The following SLC37A1 variants were observed in gnomAD, a reference collection of about 807,000 sequenced individuals.
SLC37A1 encodes solute carrier family 37 member 1, also known as glucose-6-phosphate exchanger SLC37A1.
In SLC37A1, 49 loss-of-function variants were observed where a neutral mutation model predicts 75.3. The observed-to-expected ratio is 0.65, with a 90% CI of 0.52 to 0.83. The LOEUF is 0.83. Among genes scored for constraint, SLC37A1 ranks in the 40% least tolerant of loss-of-function variants. The probability of loss-of-function intolerance (pLI) is 0.00; values close to 1 mark genes in which losing one functional copy is unlikely to be tolerated. For missense variants in SLC37A1, 566 were observed against 695.0 expected (o/e 0.81, Z 2.09); for synonymous variants, 268 against 292.1 (o/e 0.92, Z 0.84).
chr21:42,535,447 C>T lies in SLC37A1; in HGVS notation c.272-25C>T, dbSNP rs745410817. On this transcript the variant is annotated intron_variant, in intron 4 of 19. Coordinates refer to ENST00000352133, the MANE Select transcript of SLC37A1 (RefSeq NM_001320537.2). Reference sequence around the variant, plus strand: ...ATAAACTAAACAATACTGAGCTTGTCCTGCTGGTTTTCAAATTCATATAGA... The same window carrying T: ...ATAAACTAAACAATACTGAGCTTGTTCTGCTGGTTTTCAAATTCATATAGA... 5.6e-6 allele frequency: 9 copies of T among 1,594,786 alleles called. No homozygotes were observed. In the South Asian group the frequency reaches 8.8e-5, roughly 16 times the overall value.
At position 42,567,553 on chromosome 21, in the gene SLC37A1, G is replaced by A. The variant is rs188803779; in HGVS notation, c.1344+495G>A. On this transcript the variant is annotated intron_variant, in intron 16 of 19. Transcript: ENST00000352133. ...GGATCCACATCAGACCATTAGCAAT[G>A]GTCAGCCTTCACGGGGTAGAGGCAG... Among the ~76,000 whole-genome samples the A allele has an allele frequency of 1.2e-3, 188 of 152,292 alleles. 1 individual carries two copies. The highest frequency in any genetic ancestry group is 6.2e-4 in the South Asian group (3 of 4,822).
chr21:42,539,855 A>T (rs1303444904), intron 6 of SLC37A1, among the ~76,000 whole-genome samples: 2 of 152,184 alleles, frequency 1.3e-5, no homozygotes, highest in East Asian at 3.8e-4. Context: ...TAATTTCAGG[A>T]GTTGCCTCGT....
chr21:42,580,428 A>G lies in SLC37A1; in HGVS notation c.*68A>G, dbSNP rs1258411214. 2 of 1,552,446 alleles carry G rather than the reference A, an allele frequency of 1.3e-6. No homozygotes were observed. The highest frequency in any genetic ancestry group is 1.4e-5 in the African/African-American group (1 of 73,656). ...CACAACTGCCTTTCAAGGACAGTTC[A>G]GACAAAGGGCCCTGCATGGAAAGAG... On this transcript the variant is annotated 3_prime_UTR_variant, in exon 20 of 20. Transcript: ENST00000352133.
chr21:42,540,106 C>T (rs2055237704), intron 6 of SLC37A1, among the ~76,000 whole-genome samples: 1 of 152,168 alleles, frequency 6.6e-6, no homozygotes, highest in South Asian at 2.1e-4. Context: ...GTTGGGATTC[C>T]AACGAACAAA....
chr21:42,577,314 G>A (rs2056329516), intron 18 of SLC37A1, among the ~76,000 whole-genome samples: 1 of 152,174 alleles, frequency 6.6e-6, no homozygotes, highest in African/African-American at 2.4e-5. Context: ...CTCCAGCTGG[G>A]AATGGTTTAT....
At chr21:42,503,880 G>T (rs992958746) in intron 2 of SLC37A1, among the ~76,000 whole-genome samples, 1 of 152,280 alleles carries the variant, frequency 6.6e-6, no homozygotes, top group African/African-American at 2.4e-5. Flanking sequence ...CCCAGAGCTG[G>T]CTTTGTGCTA....
At chr21:42,574,065 G>A (rs934859810) in intron 17 of SLC37A1, among the ~76,000 whole-genome samples, 6 of 151,972 alleles carry the variant, frequency 3.9e-5, no homozygotes, top group Admixed American at 1.3e-4. Context: ...ACACACACAT[G>A]CATAATTTTT....
At chr21:42,517,423 C>T (rs1346772149) in intron 1 of SLC37A1, among the ~76,000 whole-genome samples, 1 of 152,066 alleles carries the variant, frequency 6.6e-6, no homozygotes, top group African/African-American at 2.4e-5. Flanking sequence ...GCTCCTGGGA[C>T]GAAAGCTCAG....
chr21:42,534,650 A>G, intron 3 of SLC37A1, 48 bp from the exon 4 acceptor site: 1 of 1,584,230 alleles, frequency 6.3e-7, no homozygotes, highest in East Asian at 2.3e-5. Context: ...GCTGAGCCTC[A>G]CTGAGGGCAC....
At chr21:42,519,139 G>C (rs1313761814) in intron 2 of SLC37A1, among the ~76,000 whole-genome samples, 2 of 152,158 alleles carry the variant, frequency 1.3e-5, no homozygotes, top group African/African-American at 2.4e-5. Context: ...TTCTGTTTTG[G>C]GGGACCTGGG....
At chr21:42,564,676 G>A (rs374192658) in intron 13 of SLC37A1, 32 bp from the exon 14 acceptor site, 26 of 1,587,036 alleles carry the variant, frequency 1.6e-5, no homozygotes, top group Middle Eastern at 1.7e-4. Flanking sequence ...GCCCTGGGAC[G>A]TCAGTGCCTG....
At chr21:42,556,226 C>T (rs562553580) in intron 10 of SLC37A1, among the ~76,000 whole-genome samples, 1 of 152,336 alleles carries the variant, frequency 6.6e-6, no homozygotes, top group Admixed American at 6.5e-5. Flanking sequence ...TGGGGACGGT[C>T]GCACTTGCCA....
rs565399635 is a variant in SLC37A1 at position 42,565,792 on chromosome 21, G to C, written c.1222-35G>C. ...AGCAATCTCGCACTGCTTGCAGCCA[G>C]CCATGGCTTTGACCTTGTGTCTTGA... On this transcript the variant is annotated intron_variant, in intron 14 of 19. Coordinates refer to ENST00000352133, the MANE Select transcript of SLC37A1 (RefSeq NM_001320537.2). 2.5e-6 allele frequency: 4 copies of C among 1,603,576 alleles called. No homozygotes were observed. The African/African-American group carries it at 5.4e-5, about 22-fold the overall frequency.
At chr21:42,562,594 G>A (rs1180817504) in intron 12 of SLC37A1, among the ~76,000 whole-genome samples, 2 of 152,190 alleles carry the variant, frequency 1.3e-5, no homozygotes, top group Admixed American at 6.5e-5. Context: ...TGGCAGGGCC[G>A]ACAGTTTGCT....
chr21:42,530,578 T>G (rs1228627359), intron 3 of SLC37A1, among the ~76,000 whole-genome samples: 1 of 144,722 alleles, frequency 6.9e-6, no homozygotes, highest in South Asian at 2.2e-4. Context: ...ACTAGACAGA[T>G]CGTCAAATGC....
In SLC37A1 at chr21:42,548,282, T is replaced by C. The variant is rs1167930688; in HGVS notation, c.768+1142T>C. Among the ~76,000 whole-genome samples, 1 of 151,952 alleles carries C rather than the reference T, an allele frequency of 6.6e-6. No individual in the cohort carries two copies. The highest frequency in any genetic ancestry group is 1.5e-5 in the Non-Finnish European group (1 of 67,980). On this transcript the variant is annotated intron_variant, in intron 9 of 19. Coordinates refer to ENST00000352133, the MANE Select transcript of SLC37A1 (RefSeq NM_001320537.2). The surrounding 1 kb of genome is among the most constrained non-coding windows in gnomAD (Gnocchi z 5.6). ...CACCCCTGAGCTCCGCAATCTGAGG[T>C]CTCACCACCACTCAACCTTCCCACG...
chr21:42,533,505 C>G (rs375712356), intron 3 of SLC37A1, among the ~76,000 whole-genome samples: 2 of 152,172 alleles, frequency 1.3e-5, no homozygotes, highest in Non-Finnish European at 2.9e-5. Context: ...CCACATGTGG[C>G]GCTGTCCTGG....
intron 5 of SLC37A1, among the ~76,000 whole-genome samples, chr21:42,538,152 A>C (rs1317544602): frequency 1.3e-5 from 2 of 152,230 alleles, no homozygotes; most frequent in Non-Finnish European, 2.9e-5. Flanking sequence ...TCAGGAGCCC[A>C]TCTGGTTGTG....
intron 15 of SLC37A1, 121 bp from the exon 16 acceptor site, chr21:42,566,864 G>A: frequency 1.1e-6 from 1 of 952,178 alleles, no homozygotes; most frequent in Non-Finnish European, 1.6e-6. Flanking sequence ...CAAGTTTAGA[G>A]GAAGCTGTTT....
Sources: allele counts gnomAD v4.1 joint callset (sites outside exome capture counted in the v4.1 genomes callset), GRCh38; gene constraint gnomAD v4.1.1; non-coding constraint Gnocchi (gnomAD v3.1); transcripts MANE v1.5; gene names NCBI Gene and HGNC (gene_info 2026-07-23, HGNC 2026-07-21).